SPAG16: variants seen among roughly 807,000 people sequenced by gnomAD.
The protein encoded by SPAG16 is sperm associated antigen 16.
In SPAG16, 86 loss-of-function variants were observed where a neutral mutation model predicts 80.4. The ratio of observed to expected loss-of-function variants is 1.07; its 90% CI spans 0.90 to 1.28. SPAG16 has a LOEUF of 1.28. Among genes scored for constraint, SPAG16 ranks in the 50% most tolerant of loss-of-function variants. The pLI, the probability that SPAG16 is intolerant of heterozygous loss-of-function variation, is 0.00. For synonymous variants in SPAG16, 294 were observed against 265.9 expected (o/e 1.11, Z -1.03); for missense variants, 870 against 765.3 (o/e 1.14, Z -1.61).
chr2:214,191,840 T>G (rs747891398), intron 15 of SPAG16, among the ~76,000 whole-genome samples: 19 of 151,936 alleles, frequency 1.3e-4, no homozygotes, highest in Non-Finnish European at 2.8e-4. Context: ...GTCCATGTAC[T>G]TATAAGAATT....
chr2:213,818,411 T>C (rs912521996), intron 10 of SPAG16, among the ~76,000 whole-genome samples: 1 of 152,180 alleles, frequency 6.6e-6, no homozygotes, highest in Non-Finnish European at 1.5e-5. Context: ...TTACTTCCCC[T>C]GTAATGTTTC....
At chr2:213,627,454 C>T (rs1440267160) in intron 10 of SPAG16, among the ~76,000 whole-genome samples, 3 of 152,192 alleles carry the variant, frequency 2.0e-5, no homozygotes, top group Non-Finnish European at 4.4e-5. Context: ...AAAATACTCA[C>T]CATTTAAGCC....
chr2:213,431,513 G>C (rs1170063099), intron 9 of SPAG16, among the ~76,000 whole-genome samples: 2 of 151,578 alleles, frequency 1.3e-5, no homozygotes, highest in African/African-American at 2.4e-5. Context: ...AAAAGAAAAA[G>C]TCATTATATA....
chr2:213,452,079 GT>G (rs1275600853), intron 9 of SPAG16, among the ~76,000 whole-genome samples: 1 of 152,126 alleles, frequency 6.6e-6, no homozygotes, highest in Non-Finnish European at 1.5e-5. Flanking sequence ...TGTATGTGAA[GT>G]TTGGTGATTA....
intron 13 of SPAG16, among the ~76,000 whole-genome samples, chr2:214,093,210 G>T (rs1348637732): frequency 6.6e-6 from 1 of 151,798 alleles, no homozygotes; most frequent in East Asian, 1.9e-4. Context: ...ATATATAATA[G>T]TTGTATCTTA....
chr2:213,365,778 T>C (rs2066246857), intron 8 of SPAG16, among the ~76,000 whole-genome samples: 1 of 151,780 alleles, frequency 6.6e-6, no homozygotes. Flanking sequence ...TTTAATGTAC[T>C]TCATAACAAA....
intron 15 of SPAG16, among the ~76,000 whole-genome samples, chr2:214,230,737 T>G (rs1688636191): frequency 6.6e-6 from 1 of 151,882 alleles, no homozygotes; most frequent in African/African-American, 2.4e-5. Flanking sequence ...TACAGGCTAG[T>G]TCTAATTTGG....
intron 10 of SPAG16, among the ~76,000 whole-genome samples, chr2:213,831,120 A>G (rs1459726789): frequency 2.1e-5 from 3 of 146,270 alleles, no homozygotes; most frequent in Non-Finnish European, 4.5e-5. Context: ...GCTCACTGCA[A>G]CCTTAGCCTC....
intron 15 of SPAG16, among the ~76,000 whole-genome samples, chr2:214,277,041 C>T (rs1018207907): frequency 2.0e-4 from 30 of 152,016 alleles, no homozygotes; most frequent in Non-Finnish European, 7.4e-5. Flanking sequence ...TTAATTTGAT[C>T]TTCAATCACT....
chr2:213,899,905 A>G (rs574377707), intron 11 of SPAG16, among the ~76,000 whole-genome samples: 1 of 152,258 alleles, frequency 6.6e-6, no homozygotes, highest in South Asian at 2.1e-4. Context: ...TAGAACCTTC[A>G]CAAGTTTGTG....
intron 14 of SPAG16, among the ~76,000 whole-genome samples, chr2:214,128,780 T>A (rs1215474065): frequency 6.6e-6 from 1 of 151,818 alleles, no homozygotes; most frequent in Non-Finnish European, 1.5e-5. Context: ...TGCTAGATAT[T>A]TTGTATTTTT....
At chr2:213,513,327 G>T (rs957818094) in intron 10 of SPAG16, among the ~76,000 whole-genome samples, 1 of 152,098 alleles carries the variant, frequency 6.6e-6, no homozygotes, top group Admixed American at 6.6e-5. Context: ...TTGAGGATGG[G>T]GACCTACAAT....
At chr2:213,298,444 C>G (rs2062597022) in intron 3 of SPAG16, among the ~76,000 whole-genome samples, 1 of 152,188 alleles carries the variant, frequency 6.6e-6, no homozygotes, top group South Asian at 2.1e-4. Context: ...TGCTTTACAT[C>G]ACTAAGGATT....
At chr2:213,995,003 A>G (rs1424528177) in intron 12 of SPAG16, among the ~76,000 whole-genome samples, 3 of 152,156 alleles carry the variant, frequency 2.0e-5, no homozygotes, top group Non-Finnish European at 4.4e-5. Flanking sequence ...GGTATTTATT[A>G]TTGTATTTTG....
intron 12 of SPAG16, among the ~76,000 whole-genome samples, chr2:213,961,993 GT>G (rs1417395616): frequency 1.3e-5 from 2 of 152,036 alleles, no homozygotes; most frequent in Non-Finnish European, 1.5e-5. Flanking sequence ...GAATTCACCA[GT>G]GAAACATTTT....
chr2:213,934,275 C>T lies in SPAG16; in HGVS notation c.1400+4130C>T, dbSNP rs548486946. Among the ~76,000 whole-genome samples the T allele has an allele frequency of 2.0e-5, 3 of 152,316 alleles. No individual in the cohort carries two copies. In the South Asian group the frequency reaches 6.2e-4, roughly 32 times the overall value. ...GTTTTCTGTATTACAGTTTATACTG[C>T]AGTTATTCTGTCCTTACTTCACAAT... On this transcript the variant is annotated intron_variant, in intron 12 of 15. Coordinates refer to ENST00000331683, the MANE Select transcript of SPAG16 (RefSeq NM_024532.5).
intron 13 of SPAG16, among the ~76,000 whole-genome samples, chr2:214,051,577 TA>T (rs2125134020): frequency 6.6e-6 from 1 of 152,360 alleles, no homozygotes; most frequent in African/African-American, 2.4e-5. Flanking sequence ...AATTATGCAC[TA>T]CCCCTGCTGT....
chr2:213,476,183 A>T (rs920237313), intron 9 of SPAG16, among the ~76,000 whole-genome samples: 3 of 152,244 alleles, frequency 2.0e-5, no homozygotes, highest in African/African-American at 7.2e-5. Context: ...TATATAAAGA[A>T]GGGATAGAAG....
chr2:213,763,872 C>A (rs1305633044), intron 10 of SPAG16, among the ~76,000 whole-genome samples: 1 of 152,100 alleles, frequency 6.6e-6, no homozygotes, highest in African/African-American at 2.4e-5. Flanking sequence ...TTGTGAGAAG[C>A]AAATGAAATA....
Sources: allele counts gnomAD v4.1 joint callset (sites outside exome capture counted in the v4.1 genomes callset), GRCh38; gene constraint gnomAD v4.1.1; transcripts MANE v1.5; gene names NCBI Gene and HGNC (gene_info 2026-07-23, HGNC 2026-07-21).